Variants in CHEK2 observed in about 807,000 individuals in gnomAD.
The protein encoded by CHEK2 is checkpoint kinase 2.
A neutral mutation model predicts 69.1 loss-of-function variants in CHEK2; 71 were observed. The ratio of observed to expected loss-of-function variants is 1.03; its 90% confidence interval spans 0.85 to 1.25. The LOEUF (loss-of-function observed/expected upper bound fraction) is 1.25. Among genes scored for constraint, CHEK2 ranks in the 50% most tolerant of loss-of-function variants. The pLI, the probability that CHEK2 is intolerant of heterozygous loss-of-function variation, is 0.00. For missense variants in CHEK2, 664 were observed against 649.6 expected, an observed-to-expected ratio of 1.02 and a Z score of -0.24; for synonymous variants, 189 against 226.9, an observed-to-expected ratio of 0.83 and a Z score of 1.50.
intron 13 of CHEK2, among the ~76,000 whole-genome samples, chr22:28,690,738 G>T (rs1258818484): frequency 6.6e-6 from 1 of 152,024 alleles, no homozygotes; most frequent in Non-Finnish European, 1.5e-5. Flanking sequence ...GAAAGTCATG[G>T]TGCAGTGATC....
At chr22:28,694,865 T>C (rs1345277291) in intron 12 of CHEK2, among the ~76,000 whole-genome samples, 1 of 152,196 alleles carries the variant, frequency 6.6e-6, no homozygotes, top group African/African-American at 2.4e-5. Flanking sequence ...TAGGGTTTAT[T>C]GAGGGTCCCT....
rs9625541 is a variant in CHEK2 at position 28,710,186 on chromosome 22, A to G, written c.793-127T>C. ...CAAACCCAGCTCTACTTATACAAAG[A>G]AATCAAAGCCCAGGTCAATGACTTA... On this transcript the variant is annotated intron_variant, in intron 6 of 14. Transcript: ENST00000404276. The G allele has an allele frequency of 0.044, 27,825 of 630,278 alleles. 735 individuals are homozygous for G. Among genetic ancestry groups the G allele is most frequent in the East Asian group, 0.069 (2,409 of 34,720 alleles). 39.0% of individuals were successfully genotyped at this position (630,278 alleles called of 1,614,324 possible).
Position 28,726,763 on chromosome 22 carries a change from C to T in CHEK2, c.320-1396G>A, listed in dbSNP as rs17878906. Among the ~76,000 whole-genome samples the T allele has an allele frequency of 4.6e-3, 668 of 144,386 alleles. 4 individuals carry two copies. Among genetic ancestry groups the T allele is most frequent in the Middle Eastern group, 0.014 (4 of 294 alleles). 94.7% of individuals were successfully genotyped at this position (144,386 alleles called of 152,430 possible). A position where few individuals can be genotyped will look rare whatever the true frequency, so the allele number is the denominator to read the frequency against. ...TACCTTCCTGAGGTTTTCCATGACA[C>T]TTAGCATAAAATCTGCACTCTTCCT... On this transcript the variant is annotated intron_variant, in intron 2 of 14. Transcript: ENST00000404276.
intron 2 of CHEK2, among the ~76,000 whole-genome samples, chr22:28,731,369 C>G (rs577516801): frequency 6.6e-6 from 1 of 152,130 alleles, no homozygotes; most frequent in African/African-American, 2.4e-5. Context: ...GAGGCCAAGG[C>G]GGGCAGATCA....
chr22:28,704,539 G>T (rs2053032968), intron 7 of CHEK2, among the ~76,000 whole-genome samples: 1 of 152,020 alleles, frequency 6.6e-6, no homozygotes, highest in Non-Finnish European at 1.5e-5. Flanking sequence ...CACCATGTTG[G>T]CCAGGTTCGT....
At chr22:28,698,014 A>T (rs2052657093) in intron 9 of CHEK2, among the ~76,000 whole-genome samples, 1 of 152,102 alleles carries the variant, frequency 6.6e-6, no homozygotes, top group African/African-American at 2.4e-5. Context: ...GCTACCATTA[A>T]AAAGGGCTTG....
At chr22:28,690,638 A>G (rs1035539425) in intron 13 of CHEK2, among the ~76,000 whole-genome samples, 4 of 151,838 alleles carry the variant, frequency 2.6e-5, no homozygotes, top group African/African-American at 9.7e-5. Flanking sequence ...CAAAAAAAAA[A>G]AAAAAAAAAT....
chr22:28,737,435 G>A, intron 1 of CHEK2: 1 of 318,628 alleles, frequency 3.1e-6, no homozygotes, highest in South Asian at 2.9e-5. Flanking sequence ...CACAAGCACT[G>A]CAAAACCATG....
intron 5 of CHEK2, 181 bp from the exon 6 acceptor site, chr22:28,712,198 C>G: frequency 1.6e-6 from 1 of 619,010 alleles, no homozygotes; most frequent in Non-Finnish European, 2.9e-6. Context: ...GCTTAACAGC[C>G]AAAAACACTA....
At chr22:28,734,857 C>T in intron 1 of CHEK2, 130 bp from the exon 2 acceptor site, 2 of 775,724 alleles carry the variant, frequency 2.6e-6, no homozygotes, top group Non-Finnish European at 4.2e-6. Flanking sequence ...ACATGCTCTC[C>T]AAAAATTAAA....
chr22:28,724,176 A>G (rs372728215), intron 4 of CHEK2, among the ~76,000 whole-genome samples: 1 of 152,032 alleles, frequency 6.6e-6, no homozygotes, highest in African/African-American at 2.4e-5. Flanking sequence ...GGGAGGCTGA[A>G]GCAGGCAGAT....
chr22:28,734,220 C>T (rs2054302480), intron 2 of CHEK2, among the ~76,000 whole-genome samples, 183 bp downstream of exon 2: 1 of 152,178 alleles, frequency 6.6e-6, no homozygotes, highest in Admixed American at 6.5e-5. Flanking sequence ...TGTACTTTAG[C>T]TTCTATTGCC....
intron 1 of CHEK2, among the ~76,000 whole-genome samples, chr22:28,738,796 C>A (rs980347332): frequency 2.0e-5 from 3 of 152,182 alleles, no homozygotes; most frequent in African/African-American, 7.2e-5. Context: ...CAAAAACAGA[C>A]AACTGGGATT....
At chr22:28,691,257 A>C (rs534918695) in intron 13 of CHEK2, among the ~76,000 whole-genome samples, 1 of 152,318 alleles carries the variant, frequency 6.6e-6, no homozygotes, top group Admixed American at 6.5e-5. Context: ...AGGTGGGTAG[A>C]TAACCTGAGG....
intron 4 of CHEK2, among the ~76,000 whole-genome samples, chr22:28,721,900 T>A (rs2053800131): frequency 6.6e-6 from 1 of 151,930 alleles, no homozygotes; most frequent in South Asian, 2.1e-4. Context: ...CCAGCTAATT[T>A]TTTTATGTTT....
Position 28,709,868 on chromosome 22 carries a change from G to A in CHEK2, c.846+138C>T, listed in dbSNP as rs372969631. ...TGACCTCAGGTGATTCACCCACCTC[G>A]GCCTCCCAAAGTGCTAGGGTTACAG... On this transcript the variant is annotated intron_variant, in intron 7 of 14. Transcript: ENST00000404276. 1.2e-3 allele frequency: 586 copies of A among 499,754 alleles called. 3 individuals carry two copies. The highest frequency in any genetic ancestry group is 0.011 in the African/African-American group (526 of 50,086). The allele number at this position is 499,754 out of a possible 1,614,324, so 31.0% of individuals were successfully genotyped here.
In CHEK2 at chr22:28,695,710, C is replaced by T. The variant is rs578218280; in HGVS notation, c.1259G>A (p.Cys420Tyr). The T allele has an allele frequency of 3.7e-6, 6 of 1,612,692 alleles. 1 individual carries two copies. In the South Asian group the frequency reaches 4.4e-5, roughly 12 times the overall value. The change falls in exon 11 of 15, where the codon TGC becomes TAC. Residue 420 changes from cysteine to tyrosine, a missense_variant and splice_region_variant. Coordinates refer to ENST00000404276, the MANE Select transcript of CHEK2 (RefSeq NM_007194.4). ...CWSLGVILFI[C>Y]LSGYPPFSEH... ...GTGCAGCAATGAAAATATTTCTTAC[C>T]AGATAAAAAGAATAACTCCTAAACT...
chr22:28,696,344 A>T (rs995246878), intron 10 of CHEK2, among the ~76,000 whole-genome samples: 10 of 152,228 alleles, frequency 6.6e-5, no homozygotes, highest in Admixed American at 2.6e-4. Context: ...CTTGAGAAAC[A>T]GGGAAAGGCA....
At chr22:28,730,800 G>C (rs1601842223) in intron 2 of CHEK2, among the ~76,000 whole-genome samples, 2 of 152,288 alleles carry the variant, frequency 1.3e-5, no homozygotes, top group Admixed American at 1.3e-4. Flanking sequence ...GGAGGTTGCG[G>C]TGAGCCGAGA....
Sources: allele counts gnomAD v4.1 joint callset (sites outside exome capture counted in the v4.1 genomes callset), GRCh38; gene constraint gnomAD v4.1.1; transcripts MANE v1.5; gene names NCBI Gene and HGNC (gene_info 2026-07-23, HGNC 2026-07-21).